Variants in PAPPA observed in about 807,000 individuals in gnomAD.
PAPPA encodes the protein pappalysin 1.
In PAPPA, 60 loss-of-function variants were observed where a neutral mutation model predicts 164.0. The observed-to-expected ratio is 0.37, with a 90% CI of 0.30 to 0.45. The LOEUF is 0.45. PAPPA is among the 20% of genes least tolerant of loss of function. The pLI is 1.00. For missense variants in PAPPA, 1,782 were observed against 2,087.3 expected (o/e 0.85, Z 2.85); for synonymous variants, 875 against 814.1 (o/e 1.07, Z -1.27).
intron 4 of PAPPA, among the ~76,000 whole-genome samples, chr9:116,219,412 A>G (rs1451303220): frequency 6.6e-6 from 1 of 152,258 alleles, no homozygotes; most frequent in East Asian, 1.9e-4. Context: ...GGGTAATATC[A>G]GCACATTGGT....
At position 116,154,405 on chromosome 9, in the gene PAPPA, G is replaced by GGCA. The variant is rs1843574761; in HGVS notation, c.239_241dup (p.Gln80dup). 1.0e-5 allele frequency: 12 copies of GGCA among 1,181,306 alleles called. No individual in the cohort carries two copies. Among genetic ancestry groups the GGCA allele is most frequent in the Non-Finnish European group, 1.3e-5 (12 of 934,912 alleles). The allele number at this position is 1,181,306 out of a possible 1,614,324, so 73.2% of individuals were successfully genotyped here. On this transcript the variant is annotated inframe_insertion, in exon 1 of 22. Coordinates refer to ENST00000328252, the MANE Select transcript of PAPPA (RefSeq NM_002581.5). This position sits in a 1 kb window ranked among gnomAD's most constrained non-coding sequence, Gnocchi z 5.2. ...GAAGCCGTGCGCGTCCCCCGGCGGC[G>GGCA]GCAGCAGCGGGAGGCGAGGGGCGCC...
chr9:116,220,817 G>A (rs758015351), intron 5 of PAPPA, among the ~76,000 whole-genome samples: 9 of 151,852 alleles, frequency 5.9e-5, no homozygotes, highest in Admixed American at 1.3e-4. Flanking sequence ...CCCAGGAGGC[G>A]GAGGTTGCAG....
intron 11 of PAPPA, 23 bp from the exon 12 acceptor site, chr9:116,332,310 C>T (rs537583355): frequency 6.2e-7 from 1 of 1,607,094 alleles, no homozygotes; most frequent in Non-Finnish European, 8.5e-7. Context: ...ACATGTGACC[C>T]TCCTACGTCT....
chr9:116,160,636 A>T (rs924363886), intron 1 of PAPPA, among the ~76,000 whole-genome samples: 3 of 152,178 alleles, frequency 2.0e-5, no homozygotes, highest in Non-Finnish European at 4.4e-5. Context: ...CTTGTATCTT[A>T]TCTACCTGTG....
At position 116,396,542 on chromosome 9, in the gene PAPPA, G is replaced by A. The variant is rs765174643; in HGVS notation, c.4810G>A (p.Gly1604Ser). The A allele has an allele frequency of 3.8e-6, 3 of 780,904 alleles. No individual in the cohort carries two copies. The highest frequency in any genetic ancestry group is 1.7e-5 in the Admixed American group (1 of 59,032). 48.4% of individuals were successfully genotyped at this position (780,904 alleles called of 1,614,324 possible). The change falls in exon 22 of 22, where the codon GGT (glycine) becomes AGT (serine). Residue 1604 changes from glycine (G) to serine (S), a missense_variant. By Grantham distance (56) the Gly-to-Ser change is moderately conservative. Around this residue, in one of 2 missense-constraint regions of PAPPA, gnomAD observed 1,324 missense variants for 1,656.9 expected, o/e 0.80. Coordinates refer to ENST00000328252, the MANE Select transcript of PAPPA (RefSeq NM_002581.5). ...TPFPMSCDLQ[G>S]DCACRDPQAQ... is the part of the protein sequence containing the mutation. Reference sequence around the variant, plus strand: ...ATTCCCTATGTCCTGTGATCTACAAGGTGACTGTGCTTGTCGGGACCCCCA... The same window carrying A: ...ATTCCCTATGTCCTGTGATCTACAAAGTGACTGTGCTTGTCGGGACCCCCA...
At chr9:116,248,524 C>T (rs532884854) in intron 7 of PAPPA, among the ~76,000 whole-genome samples, 1 of 152,258 alleles carries the variant, frequency 6.6e-6, no homozygotes, top group African/African-American at 2.4e-5. Flanking sequence ...TGGGGGCTGG[C>T]CATCTAGATC....
intron 1 of PAPPA, among the ~76,000 whole-genome samples, chr9:116,157,894 C>A: frequency 6.6e-6 from 1 of 151,908 alleles, no homozygotes; most frequent in African/African-American, 2.4e-5. Context: ...TCCCCAACTG[C>A]CCCCCCAACA....
At chr9:116,313,436 C>A (rs1040889667) in intron 10 of PAPPA, among the ~76,000 whole-genome samples, 1 of 152,216 alleles carries the variant, frequency 6.6e-6, no homozygotes, top group East Asian at 1.9e-4. Flanking sequence ...GGTCTACTGG[C>A]AAGATACTGC....
At chr9:116,212,069 T>C in intron 4 of PAPPA, 137 bp downstream of exon 4, 1 of 724,820 alleles carries the variant, frequency 1.4e-6, no homozygotes, top group East Asian at 2.5e-5. Flanking sequence ...ATCCACCTAA[T>C]GTCTTTCGGT....
chr9:116,261,898 T>TGTTTTGTTTG (rs1008519825), intron 7 of PAPPA, among the ~76,000 whole-genome samples: 17 of 151,802 alleles, frequency 1.1e-4, no homozygotes, highest in African/African-American at 3.4e-4. Context: ...TGTTTTGTTT[T>TGTTTTGTTTG]GTTTTGTTTT....
chr9:116,157,933 A>C (rs1283395261), intron 1 of PAPPA, among the ~76,000 whole-genome samples: 1 of 152,048 alleles, frequency 6.6e-6, no homozygotes, highest in Non-Finnish European at 1.5e-5. Context: ...AAAGGAAAAC[A>C]AAAGACTCAA....
Position 116,209,045 on chromosome 9 carries a change from A to T in PAPPA, c.1624+1444A>T, listed in dbSNP as rs79501895. ...CTGCTACATGTCCACAATGTCCACT[A>T]CAAAGAATTATACAGACTAAAAAGT... is the stretch of plus-strand genomic sequence containing the variant. On this transcript the variant is annotated intron_variant, in intron 3 of 21. Transcript: ENST00000328252. Among the ~76,000 whole-genome samples, 960 of 152,290 alleles carry T rather than the reference A, an allele frequency of 6.3e-3. 12 individuals are homozygous for T. The highest frequency in any genetic ancestry group is 0.022 in the African/African-American group (924 of 41,560).
At chr9:116,276,406 C>T (rs1473764420) in intron 9 of PAPPA, among the ~76,000 whole-genome samples, 1 of 152,156 alleles carries the variant, frequency 6.6e-6, no homozygotes, top group African/African-American at 2.4e-5. Flanking sequence ...TGACTTTCCA[C>T]CCTGTATTCT....
At chr9:116,300,381 A>T (rs1361212822) in intron 9 of PAPPA, among the ~76,000 whole-genome samples, 1 of 151,590 alleles carries the variant, frequency 6.6e-6, no homozygotes, top group Non-Finnish European at 1.5e-5. Context: ...GGGCTCAATA[A>T]ATCCTCCCAC....
rs138456310 is a variant in PAPPA at position 116,353,673 on chromosome 9, T to C, written c.4227T>C (p.Ala1409=). Residue 1409 remains alanine, a synonymous_variant, in exon 17 of 22, where the codon GCT becomes GCC. Coordinates refer to ENST00000328252, the MANE Select transcript of PAPPA (RefSeq NM_002581.5). ...AGGATGGCAGCTGGCAGGAGGGAGC[T>C]TGTGTTCCTGTGACCTGTGACCCAC... ...CTQDGSWQEG[A]CVPVTCDPPP... 206 of 1,613,976 alleles carry C rather than the reference T, an allele frequency of 1.3e-4. No individual in the cohort carries two copies. Among genetic ancestry groups the C allele is most frequent in the Non-Finnish European group, 1.7e-4 (200 of 1,180,020 alleles).
intron 2 of PAPPA, among the ~76,000 whole-genome samples, chr9:116,201,925 G>A (rs1189025234): frequency 1.3e-5 from 2 of 152,196 alleles, no homozygotes; most frequent in Non-Finnish European, 2.9e-5. Flanking sequence ...ATCTACGCAT[G>A]GCCAGTACCA....
At chr9:116,313,296 C>T (rs1845746404) in intron 10 of PAPPA, among the ~76,000 whole-genome samples, 6 of 152,104 alleles carry the variant, frequency 3.9e-5, no homozygotes, top group Admixed American at 3.9e-4. Context: ...GGCTCCTGCC[C>T]ACCCCAGAAT....
chr9:116,172,560 C>G (rs1843786261), intron 1 of PAPPA, among the ~76,000 whole-genome samples: 1 of 152,174 alleles, frequency 6.6e-6, no homozygotes, highest in African/African-American at 2.4e-5. Context: ...GAACCACTGA[C>G]TTACATGGAT....
chr9:116,368,058 A>C (rs998742236), intron 19 of PAPPA, among the ~76,000 whole-genome samples: 1 of 152,200 alleles, frequency 6.6e-6, no homozygotes, highest in African/African-American at 2.4e-5. Context: ...TGAGGCACCA[A>C]TAACAGAGGT....
Sources: gnomAD v4.1 joint callset for allele counts (sites outside exome capture counted in the v4.1 genomes callset) on GRCh38, gnomAD v4.1.1 for gene constraint, gnomAD v4.1.1 regional missense constraint, Gnocchi (gnomAD v3.1) non-coding constraint, MANE v1.5 for transcripts, NCBI Gene and HGNC (gene_info 2026-07-23, HGNC 2026-07-21) for gene names.